The following PCNX4 variants were observed in gnomAD, a reference collection of about 807,000 sequenced individuals.
PCNX4 encodes the protein pecanex 4, also known as pecanex-like protein 4.
Under a neutral mutation model 107.2 loss-of-function variants are expected in PCNX4, and 103 were observed. The observed-to-expected ratio is 0.96, with a 90% confidence interval of 0.82 to 1.13. PCNX4 has a LOEUF of 1.13. Among genes scored for constraint, PCNX4 ranks in the 50% most tolerant of loss-of-function variants. The probability of loss-of-function intolerance (pLI) is 0.00; values close to 1 mark genes in which losing one functional copy is unlikely to be tolerated. For synonymous variants in PCNX4, 541 were observed against 481.7 expected (o/e 1.12, Z -1.61); for missense variants, 1,528 against 1,379.4 (o/e 1.11, Z -1.71).
chr14:60,121,181 T>A lies in PCNX4; in HGVS notation c.1943-15T>A. Reference sequence around the variant, plus strand: ...ATTTTCTTTTTTTTTTTTTTTTTTTTCTAATTTGTTGTAGGTCTCCTCCTA... The same window carrying A: ...ATTTTCTTTTTTTTTTTTTTTTTTTACTAATTTGTTGTAGGTCTCCTCCTA... On this transcript the variant is annotated splice_polypyrimidine_tract_variant and intron_variant, in intron 7 of 10. Transcript: ENST00000406854. The A allele has an allele frequency of 3.9e-6, 6 of 1,523,412 alleles. No homozygotes were observed. Among genetic ancestry groups the A allele is most frequent in the Non-Finnish European group, 4.4e-6 (5 of 1,139,276 alleles). 94.4% of individuals were successfully genotyped at this position (1,523,412 alleles called of 1,614,324 possible). A position where few individuals can be genotyped will look rare whatever the true frequency, so the allele number is the denominator to read the frequency against.
intron 2 of PCNX4, among the ~76,000 whole-genome samples, chr14:60,112,572 ATTGC>A (rs1895759325): frequency 6.6e-6 from 1 of 152,178 alleles, no homozygotes; most frequent in African/African-American, 2.4e-5. Flanking sequence ...TTACTTTGCC[ATTGC>A]TTATTGTTAA....
At position 60,147,708 on chromosome 14, in the gene PCNX4, C is replaced by T. The variant is rs1046618298; in HGVS notation, c.*13487C>T. On this transcript the variant is annotated 3_prime_UTR_variant, in exon 11 of 11. Transcript: ENST00000406854. Reference sequence around the variant, plus strand: ...GGGCACTATTATCATCATTAATCTCCATCTTATATTAATAGATGGGGAGAC... The same window carrying T: ...GGGCACTATTATCATCATTAATCTCTATCTTATATTAATAGATGGGGAGAC... 6.6e-6 allele frequency: 1 copy of T among 152,110 alleles called. No homozygotes were observed. The allele number at this position is 152,110 out of a possible 1,614,324, so 9.4% of individuals were successfully genotyped here. A position where few individuals can be genotyped will look rare whatever the true frequency, so the allele number is the denominator to read the frequency against.
In PCNX4 at chr14:60,143,760, T is replaced by C. The variant is rs566998081; in HGVS notation, c.*9539T>C. On this transcript the variant is annotated 3_prime_UTR_variant, in exon 11 of 11. Transcript: ENST00000406854. The stretch of plus-strand genomic sequence containing the variant: ...CTTCCAACTTGCCCAACAACTATTC[T>C]ACAGTTATTTTATGTATGTTACTTT... 2.2e-4 allele frequency: 33 copies of C among 152,392 alleles called. No individual in the cohort carries two copies. Among genetic ancestry groups the C allele is most frequent in the Admixed American group, 7.2e-4 (11 of 15,312 alleles). The allele number at this position is 152,392 out of a possible 1,614,324, so 9.4% of individuals were successfully genotyped here.
intron 2 of PCNX4, among the ~76,000 whole-genome samples, chr14:60,113,720 G>C (rs1391646286): frequency 6.6e-6 from 1 of 152,116 alleles, no homozygotes; most frequent in Non-Finnish European, 1.5e-5. Flanking sequence ...GGGTATTCAA[G>C]TACAATTATG....
rs1020772645 is a variant in PCNX4, at chr14:60,107,826, A to G, written c.188A>G (p.Gln63Arg). 4 of 1,612,674 alleles carry G rather than the reference A, an allele frequency of 2.5e-6. No individual in the cohort carries two copies. Among genetic ancestry groups the G allele is most frequent in the South Asian group, 1.1e-5 (1 of 91,088 alleles). The change falls in exon 2 of 11, where the codon CAG becomes CGG. Residue 63 changes from glutamine (Q) to arginine (R), a missense_variant. Coordinates refer to ENST00000406854, the MANE Select transcript of PCNX4 (RefSeq NM_001330177.2). Reference protein sequence around the residue: ...VWGGVGTLLYQLGILKDYYTA... With the variant: ...VWGGVGTLLYRLGILKDYYTA... ...GGTGGAGTCGGAACACTTTTATACC[A>G]GTTAGGCATCCTGAAAGACTATTAT...
rs1254417931 is a variant in PCNX4 at position 60,115,582 on chromosome 14, G to A, written c.1357+121G>A. 6 of 1,389,040 alleles carry A rather than the reference G, an allele frequency of 4.3e-6. No homozygotes were observed. The African/African-American group carries it at 7.2e-5, about 17-fold the overall frequency. The allele number at this position is 1,389,040 out of a possible 1,614,324, so 86.0% of individuals were successfully genotyped here. The stretch of plus-strand genomic sequence containing the variant: ...CATATACAAGTGTTTGTTCTTTTAT[G>A]TTATGGTTTTTTGTTTATTGGCTTT... On this transcript the variant is annotated intron_variant, in intron 4 of 10. Transcript: ENST00000406854.
chr14:60,118,227 T>G (rs1895886957), intron 6 of PCNX4, 102 bp from the exon 7 acceptor site: 1 of 1,315,568 alleles, frequency 7.6e-7, no homozygotes, highest in African/African-American at 1.5e-5. Context: ...TCAAAAATAC[T>G]GGGGCAATAA....
In PCNX4 at chr14:60,124,873, A is replaced by T; in HGVS notation, c.2702A>T (p.Glu901Val). The change falls in exon 9 of 11, where the codon GAG becomes GTG. Residue 901 changes from glutamate (E) to valine (V), a missense_variant. Transcript: ENST00000406854. ...QEDMPYIPLMEFSCSHSHLVC... is the reference protein window; with the variant it reads ...QEDMPYIPLMVFSCSHSHLVC... The stretch of plus-strand genomic sequence containing the variant: ...GACATGCCATATATTCCTCTCATGG[A>T]GTTCAGTTGTTCACATTCTCACTTA... The T allele has an allele frequency of 6.2e-7, 1 of 1,613,816 alleles. No individual in the cohort carries two copies. Among genetic ancestry groups the T allele is most frequent in the East Asian group, 2.2e-5 (1 of 44,876 alleles).
At chr14:60,098,270 C>G (rs1895465023) in intron 1 of PCNX4, among the ~76,000 whole-genome samples, 1 of 152,156 alleles carries the variant, frequency 6.6e-6, no homozygotes, top group Admixed American at 6.5e-5. Context: ...CAGAAACATT[C>G]CAAACCTGTA....
intron 8 of PCNX4, among the ~76,000 whole-genome samples, chr14:60,121,671 A>G (rs1351211745): frequency 6.6e-6 from 1 of 151,958 alleles, no homozygotes. Context: ...GCTATACCCT[A>G]TTTGTCTCCT....
At position 60,144,789 on chromosome 14, in the gene PCNX4, A is replaced by T; in HGVS notation, c.*10568A>T. ...TATGAGTTAATACCTTTTTTGCAAG[A>T]TTCATGGCAATCTTTTATTATTTAT... On this transcript the variant is annotated 3_prime_UTR_variant, in exon 11 of 11. Transcript: ENST00000406854. 1 of 614,096 alleles carries T rather than the reference A, an allele frequency of 1.6e-6. No individual in the cohort carries two copies. Among genetic ancestry groups the T allele is most frequent in the African/African-American group, 1.9e-5 (1 of 52,696 alleles). 38.0% of individuals were successfully genotyped at this position (614,096 alleles called of 1,614,324 possible). A position where few individuals can be genotyped will look rare whatever the true frequency, so the allele number is the denominator to read the frequency against.
intron 2 of PCNX4, among the ~76,000 whole-genome samples, chr14:60,114,048 G>A (rs1686288152): frequency 6.6e-6 from 1 of 152,212 alleles, no homozygotes; most frequent in Admixed American, 6.5e-5. Context: ...CAAAATGGAA[G>A]TGTTGTAAAT....
intron 1 of PCNX4, among the ~76,000 whole-genome samples, chr14:60,095,763 T>C (rs1200147802): frequency 6.6e-6 from 1 of 150,872 alleles, no homozygotes; most frequent in Admixed American, 6.6e-5. Context: ...GGAAGGCTCA[T>C]TTCTAAGAGG....
rs1050395545 is a variant in PCNX4, at chr14:60,115,734, T to C, written c.1373T>C (p.Met458Thr). 7 of 1,612,750 alleles carry C rather than the reference T, an allele frequency of 4.3e-6. No homozygotes were observed. In the Admixed American group the frequency reaches 8.3e-5, roughly 19 times the overall value. Residue 458 changes from methionine (M) to threonine (T), a missense_variant, in exon 5 of 11, where the codon ATG becomes ACG. By Grantham distance (81) the Met-to-Thr change is moderately conservative. Coordinates refer to ENST00000406854, the MANE Select transcript of PCNX4 (RefSeq NM_001330177.2). The stretch of plus-strand genomic sequence containing the variant: ...TTTGTTTTAGTATCACCTTTTGCCA[T>C]GATAGCATTTCTTTCATTGGACAGT... ...ILLTLVSPFAMIAFLSLDSSL... is the reference protein window; with the variant it reads ...ILLTLVSPFATIAFLSLDSSL...
Position 60,113,780 on chromosome 14 carries a change from C to T in PCNX4, c.690-920C>T, listed in dbSNP as rs76682267. Among the ~76,000 whole-genome samples, 509 of 152,200 alleles carry T rather than the reference C, an allele frequency of 3.3e-3. 16 individuals are homozygous for T. In the East Asian group the frequency reaches 0.056, roughly 17 times the overall value. On this transcript the variant is annotated intron_variant, in intron 2 of 10. Transcript: ENST00000406854. ...CTCTTTTGAATGTTATCTTTGGTACCCCAGAAGTACTCTGACCTTATTGGT... is the reference window on the plus strand; with the variant it reads ...CTCTTTTGAATGTTATCTTTGGTACTCCAGAAGTACTCTGACCTTATTGGT...
chr14:60,133,788 A>G, intron 10 of PCNX4, 182 bp from the exon 11 acceptor site: 1 of 671,094 alleles, frequency 1.5e-6, no homozygotes. Context: ...AAGTAGAGGT[A>G]ATTCTTGATT....
chr14:60,116,861 G>T (rs796404447), intron 6 of PCNX4, among the ~76,000 whole-genome samples: 31 of 152,226 alleles, frequency 2.0e-4, no homozygotes, highest in African/African-American at 7.5e-4. Flanking sequence ...TAATACTAAT[G>T]ATCTGACCTT....
chr14:60,125,130 A>G lies in PCNX4; in HGVS notation c.2959A>G (p.Asn987Asp), dbSNP rs753427461. The G allele has an allele frequency of 6.2e-7, 1 of 1,613,086 alleles. No individual in the cohort carries two copies. Residue 987 changes from asparagine to aspartate, a missense_variant, in exon 9 of 11, where the codon AAT becomes GAT. Physicochemically the swap from Asn to Asp is conservative, Grantham distance 23. Coordinates refer to ENST00000406854, the MANE Select transcript of PCNX4 (RefSeq NM_001330177.2). Reference protein sequence around the residue: ...TCYFSLFGIDNMAPSPGHILR... With the variant: ...TCYFSLFGIDDMAPSPGHILR... ...TTATTTTAGTTTATTTGGAATAGAC[A>G]ATATGGCTCCTAGTCCTGGTCATAT...
rs1268633029 is a variant in PCNX4 at position 60,144,266 on chromosome 14, A to G, written c.*10045A>G. ...AAGGTCATTTCAAATACTTCTTTATATCTGGTCATTACCCAGCACTCTGCT... is the reference window on the plus strand; with the variant it reads ...AAGGTCATTTCAAATACTTCTTTATGTCTGGTCATTACCCAGCACTCTGCT... On this transcript the variant is annotated 3_prime_UTR_variant, in exon 11 of 11. Coordinates refer to ENST00000406854, the MANE Select transcript of PCNX4 (RefSeq NM_001330177.2). 3 of 152,218 alleles carry G rather than the reference A, an allele frequency of 2.0e-5. 1 individual carries two copies. The highest frequency in any genetic ancestry group is 4.1e-4 in the South Asian group (2 of 4,834). The allele number at this position is 152,218 out of a possible 1,614,324, so 9.4% of individuals were successfully genotyped here.
Sources: gnomAD v4.1 joint callset for allele counts (sites outside exome capture counted in the v4.1 genomes callset) on GRCh38, gnomAD v4.1.1 for gene constraint, MANE v1.5 for transcripts, NCBI Gene and HGNC (gene_info 2026-07-23, HGNC 2026-07-21) for gene names.